Variants in CSE1L observed in about 807,000 individuals in gnomAD.
CSE1L encodes chromosome segregation 1 like.
Under a neutral mutation model 120.4 loss-of-function variants are expected in CSE1L, and 24 were observed. The ratio of observed to expected loss-of-function variants is 0.20; its 90% CI spans 0.14 to 0.28. The LOEUF (loss-of-function observed/expected upper bound fraction) is 0.28. Ranked by LOEUF, CSE1L falls within the 10% of genes least tolerant of loss-of-function variation. The pLI is 1.00. For synonymous variants in CSE1L, 402 were observed against 398.3 expected, an observed-to-expected ratio of 1.01 and a Z score of -0.11; for missense variants, 830 against 1,145.2, an observed-to-expected ratio of 0.72 and a Z score of 3.97.
At chr20:49,074,975 A>T (rs1031154865) in intron 11 of CSE1L, 125 bp downstream of exon 11, 1 of 663,180 alleles carries the variant, frequency 1.5e-6, no homozygotes, top group South Asian at 2.1e-5. Context: ...TTTCATTGAG[A>T]ACTGTTGTCT....
At chr20:49,088,379 C>T (rs1428572463) in intron 17 of CSE1L, among the ~76,000 whole-genome samples, 1 of 152,106 alleles carries the variant, frequency 6.6e-6, no homozygotes, top group Non-Finnish European at 1.5e-5. Context: ...GCAGATGATC[C>T]AAAATTACCT....
intron 1 of CSE1L, among the ~76,000 whole-genome samples, chr20:49,050,770 T>A (rs1308468338): frequency 6.6e-6 from 1 of 151,906 alleles, no homozygotes; most frequent in Non-Finnish European, 1.5e-5. Flanking sequence ...TGTTGCCAAG[T>A]CTGGTCTTGA....
chr20:49,094,411 A>G (rs1228856589), intron 23 of CSE1L, 125 bp downstream of exon 23: 3 of 916,822 alleles, frequency 3.3e-6, no homozygotes, highest in Admixed American at 2.5e-5. Context: ...CTCCACAATC[A>G]GATCCAAGAC....
chr20:49,090,046 G>A (rs918730998), intron 19 of CSE1L, among the ~76,000 whole-genome samples: 2 of 152,188 alleles, frequency 1.3e-5, no homozygotes, highest in African/African-American at 4.8e-5. Flanking sequence ...GGTCGCTTGA[G>A]CCCAGGAGTT....
In CSE1L at chr20:49,088,126, AAGTG is replaced by A. The variant is rs762111536; in HGVS notation, c.1821+21_1821+24del. 15 of 1,529,898 alleles carry A rather than the reference AAGTG, an allele frequency of 9.8e-6. No individual in the cohort carries two copies. The highest frequency in any genetic ancestry group is 1.4e-5 in the Non-Finnish European group (15 of 1,107,666). 94.8% of individuals were successfully genotyped at this position (1,529,898 alleles called of 1,614,324 possible). ...AGTAAGGTAATAGAGCCAATTTTGA[AAGTG>A]GGGTTCCTTTTTTATTTGCTCCAAA... On this transcript the variant is annotated intron_variant, in intron 17 of 24. Coordinates refer to ENST00000262982, the MANE Select transcript of CSE1L (RefSeq NM_001316.4).
intron 14 of CSE1L, among the ~76,000 whole-genome samples, chr20:49,083,105 A>G (rs1251140617): frequency 1.3e-5 from 2 of 150,666 alleles, no homozygotes; most frequent in Admixed American, 6.6e-5. Context: ...GCTCACTGCA[A>G]CCTCCGCCTC....
intron 24 of CSE1L, 61 bp downstream of exon 24, chr20:49,095,024 T>A: frequency 7.9e-7 from 1 of 1,264,482 alleles, no homozygotes; most frequent in Non-Finnish European, 1.1e-6. Flanking sequence ...GGCAAAAGGA[T>A]AGTAGTAGTT....
At chr20:49,063,136 A>ATT (rs2091865058) in intron 2 of CSE1L, 66 bp from the exon 3 acceptor site, 13 of 826,992 alleles carry the variant, frequency 1.6e-5, no homozygotes, top group South Asian at 2.8e-5. Flanking sequence ...TTATATATAT[A>ATT]TATTTGATAT....
At chr20:49,052,823 G>A (rs1264401991) in intron 1 of CSE1L, among the ~76,000 whole-genome samples, 2 of 152,186 alleles carry the variant, frequency 1.3e-5, no homozygotes, top group Non-Finnish European at 2.9e-5. Flanking sequence ...GCCGGCTGAA[G>A]CAATCCACCT....
At chr20:49,070,120 G>A in intron 7 of CSE1L, 85 bp from the exon 8 acceptor site, 1 of 647,104 alleles carries the variant, frequency 1.5e-6, no homozygotes, top group Non-Finnish European at 2.7e-6. Flanking sequence ...TGTATAAAAT[G>A]TTTTGTCCAC....
At chr20:49,078,527 T>C (rs1266186852) in intron 13 of CSE1L, 34 bp from the exon 14 acceptor site, 3 of 1,458,814 alleles carry the variant, frequency 2.1e-6, no homozygotes, top group Non-Finnish European at 2.8e-6. Context: ...TCCTTACCAC[T>C]TAAGTAACTG....
At position 49,058,320 on chromosome 20, in the gene CSE1L, T is replaced by C; in HGVS notation, c.-11-133T>C. 13 of 506,012 alleles carry C rather than the reference T, an allele frequency of 2.6e-5. 1 individual carries two copies. Among genetic ancestry groups the C allele is most frequent in the Non-Finnish European group, 4.5e-5 (13 of 291,252 alleles). 31.3% of individuals were successfully genotyped at this position (506,012 alleles called of 1,614,324 possible). A position where few individuals can be genotyped will look rare whatever the true frequency, so the allele number is the denominator to read the frequency against. ...GCTGGACTCTTGTCTCAGAGTCAGG[T>C]TTACTGCCCATATAAAAAACAACAG... On this transcript the variant is annotated intron_variant, in intron 1 of 24. Transcript: ENST00000262982.
chr20:49,084,290 C>G, intron 15 of CSE1L, 128 bp downstream of exon 15: 1 of 944,660 alleles, frequency 1.1e-6, no homozygotes, highest in South Asian at 2.3e-5. Flanking sequence ...CCTTTATACT[C>G]TGTTTCATTC....
At chr20:49,066,117 T>C in intron 3 of CSE1L, 75 bp from the exon 4 acceptor site, 1 of 1,237,910 alleles carries the variant, frequency 8.1e-7, no homozygotes, top group Non-Finnish European at 1.2e-6. Context: ...AAAAAAACAG[T>C]TATGTTTTAC....
intron 1 of CSE1L, among the ~76,000 whole-genome samples, chr20:49,049,737 G>A (rs1464588283): frequency 1.3e-5 from 2 of 152,152 alleles, no homozygotes; most frequent in South Asian, 4.1e-4. Context: ...ATATAAAAAG[G>A]ATTTGTTGAC....
At position 49,066,519 on chromosome 20, in the gene CSE1L, G is replaced by A. The variant is rs967203829; in HGVS notation, c.476+9G>A. The stretch of plus-strand genomic sequence containing the variant: ...CATTCATTATTTAAAAGGTATTGAT[G>A]CATAGATTCATGTTTTTAAAATACT... On this transcript the variant is annotated intron_variant, in intron 5 of 24. Coordinates refer to ENST00000262982, the MANE Select transcript of CSE1L (RefSeq NM_001316.4). 1 of 1,589,340 alleles carries A rather than the reference G, an allele frequency of 6.3e-7. No homozygotes were observed. The highest frequency in any genetic ancestry group is 1.8e-5 in the Admixed American group (1 of 54,350).
intron 1 of CSE1L, among the ~76,000 whole-genome samples, chr20:49,058,250 A>C (rs953933315): frequency 1.3e-5 from 2 of 152,016 alleles, no homozygotes; most frequent in African/African-American, 4.8e-5. Context: ...CCTTATCACA[A>C]AATTGTCTCA....
chr20:49,094,279 A>C lies in CSE1L; in HGVS notation c.2587A>C (p.Lys863Gln). The change falls in exon 23 of 25, where the codon AAA becomes CAA. Residue 863 changes from lysine (K) to glutamine (Q), a missense_variant. Physicochemically the swap from Lys to Gln is moderately conservative, Grantham distance 53 (BLOSUM62 1). Transcript: ENST00000262982. ...CCCAATGATGGACACTGAGTATACC[A>C]AACTGTGGTAAGTACTTCATTTTAA... is the stretch of plus-strand genomic sequence containing the variant. ...CPPMMDTEYT[K>Q]LWTPLLQSLI... 1.2e-6 allele frequency: 2 copies of C among 1,609,344 alleles called. No individual in the cohort carries two copies. The highest frequency in any genetic ancestry group is 1.7e-6 in the Non-Finnish European group (2 of 1,178,862).
intron 21 of CSE1L, 51 bp downstream of exon 21, chr20:49,091,073 A>G: frequency 8.2e-7 from 1 of 1,219,254 alleles, no homozygotes; most frequent in African/African-American, 1.5e-5. Flanking sequence ...GAAGGTAGCT[A>G]AAACCCTTAG....
Sources: gnomAD v4.1 joint callset for allele counts (sites outside exome capture counted in the v4.1 genomes callset) on GRCh38, gnomAD v4.1.1 for gene constraint, MANE v1.5 for transcripts, NCBI Gene and HGNC (gene_info 2026-07-23, HGNC 2026-07-21) for gene names.